Variants in CFAP251 observed in about 807,000 individuals in gnomAD.
The protein encoded by CFAP251 is cilia- and flagella-associated protein 251.
CFAP251 carries 93 observed loss-of-function variants against 126.7 expected under a neutral mutation model. The observed-to-expected ratio is 0.73, with a 90% CI of 0.62 to 0.87. The LOEUF (loss-of-function observed/expected upper bound fraction) is 0.87, where lower values mean the gene tolerates loss of function less well. Ranked by LOEUF, CFAP251 falls within the 40% of genes least tolerant of loss-of-function variation. CFAP251 has a pLI of 0.00. For synonymous variants in CFAP251, 503 were observed against 506.9 expected, an observed-to-expected ratio of 0.99 and a Z score of 0.10; for missense variants, 1,287 against 1,389.2, an observed-to-expected ratio of 0.93 and a Z score of 1.17.
chr12:121,962,373 G>C (rs993830116), intron 15 of CFAP251, among the ~76,000 whole-genome samples: 1 of 152,150 alleles, frequency 6.6e-6, no homozygotes, highest in African/African-American at 2.4e-5. Flanking sequence ...GCAGAATCCA[G>C]GAAGGACACA....
At chr12:121,924,095 T>G (rs1303539183) in intron 3 of CFAP251, 105 bp downstream of exon 3, 4 of 1,352,394 alleles carry the variant, frequency 3.0e-6, no homozygotes, top group Non-Finnish European at 4.0e-6. Context: ...GAAGGATACT[T>G]TTTAAACTAA....
Position 121,960,669 on chromosome 12 carries a change from C to T in CFAP251, c.2218C>T (p.His740Tyr). 1.9e-6 allele frequency: 3 copies of T among 1,614,144 alleles called. No individual in the cohort carries two copies. Among genetic ancestry groups the T allele is most frequent in the Non-Finnish European group, 2.5e-6 (3 of 1,179,986 alleles). The change falls in exon 14 of 22, where the codon CAT becomes TAT. Residue 740 changes from histidine (H) to tyrosine (Y), a missense_variant. Physicochemically the swap from His to Tyr is moderately conservative, Grantham distance 83 (BLOSUM62 2). Coordinates refer to ENST00000288912, the MANE Select transcript of CFAP251 (RefSeq NM_144668.6). ...VWEYLARLRS[H>Y]RKSIRSLLFG... is the part of the protein sequence containing the mutation. ...GGAGTACTTAGCAAGACTTCGCTCT[C>T]ATCGCAAAAGCATTCGAAGTCTCCT...
At chr12:121,960,399 G>T (rs1259265066) in intron 13 of CFAP251, among the ~76,000 whole-genome samples, 186 bp from the exon 14 acceptor site, 2 of 152,106 alleles carry the variant, frequency 1.3e-5, no homozygotes, top group Non-Finnish European at 2.9e-5. Flanking sequence ...TGTATTTTTA[G>T]TAGAGATGGG....
intron 3 of CFAP251, among the ~76,000 whole-genome samples, chr12:121,924,479 C>G (rs1347820426): frequency 7.5e-6 from 1 of 133,042 alleles, no homozygotes; most frequent in Non-Finnish European, 1.5e-5. Flanking sequence ...TTTGCCCAGG[C>G]TGGAGTGCAA....
Position 121,999,891 on chromosome 12 carries a change from A to G in CFAP251, c.3182A>G (p.Lys1061Arg). 6.2e-7 allele frequency: 1 copy of G among 1,614,086 alleles called. No homozygotes were observed. The highest frequency in any genetic ancestry group is 8.5e-7 in the Non-Finnish European group (1 of 1,179,948). ...GAGGTGCTCGGTTATACCAACTCCA[A>G]AGGGAAAAAGGCCATTCGAAGAGAG... is the stretch of plus-strand genomic sequence containing the variant. ...SFEVLGYTNS[K>R]GKKAIRREDF... Residue 1061 changes from lysine to arginine, a missense_variant, in exon 20 of 22, where the codon AAA becomes AGA. Lys to Arg is a conservative substitution (Grantham distance 26, BLOSUM62 2). Transcript: ENST00000288912.
At chr12:121,952,987 C>T (rs115137289) in intron 9 of CFAP251, 1 of 152,268 alleles carries the variant, frequency 6.6e-6, no homozygotes, top group African/African-American at 2.4e-5. Flanking sequence ...GTCACATTTT[C>T]ACCAATTGAT....
intron 7 of CFAP251, among the ~76,000 whole-genome samples, chr12:121,944,153 C>T (rs1881230272): frequency 1.3e-5 from 2 of 152,170 alleles, no homozygotes; most frequent in Non-Finnish European, 2.9e-5. Flanking sequence ...CTTCATTTGT[C>T]ATACATTTAT....
intron 5 of CFAP251, among the ~76,000 whole-genome samples, chr12:121,934,852 G>T: frequency 6.6e-6 from 1 of 152,278 alleles, no homozygotes; most frequent in African/African-American, 2.4e-5. Context: ...CATTGCCCAC[G>T]CTGGAGTGCG....
In CFAP251 at chr12:121,942,553, T is replaced by C. The variant is rs1474999002; in HGVS notation, c.1018T>C (p.Phe340Leu). ...TTGCAGTATTCCTGTGCACACAATA[T>C]TTGACAGCTGCCCTGAAGGGAATGG... ...SFTGIPVHTI[F>L]DSCPEGNGIM... The change falls in exon 6 of 22, where the codon TTT (phenylalanine) becomes CTT (leucine). Residue 340 changes from phenylalanine to leucine, a missense_variant. Coordinates refer to ENST00000288912, the MANE Select transcript of CFAP251 (RefSeq NM_144668.6). The C allele has an allele frequency of 6.2e-7, 1 of 1,613,668 alleles. No individual in the cohort carries two copies. Among genetic ancestry groups the C allele is most frequent in the African/African-American group, 1.3e-5 (1 of 74,906 alleles).
intron 14 of CFAP251, 81 bp downstream of exon 14, chr12:121,960,839 C>A: frequency 6.8e-7 from 1 of 1,471,664 alleles, no homozygotes; most frequent in Non-Finnish European, 9.4e-7. Flanking sequence ...TGCATAGAGC[C>A]AGGCCCACAG....
At chr12:121,961,033 C>A (rs563529212) in intron 14 of CFAP251, among the ~76,000 whole-genome samples, 1 of 152,178 alleles carries the variant, frequency 6.6e-6, no homozygotes, top group Non-Finnish European at 1.5e-5. Context: ...GGAAAGCAGC[C>A]GCCCTTGCCT....
intron 19 of CFAP251, among the ~76,000 whole-genome samples, chr12:121,976,499 G>A (rs1882463208): frequency 6.6e-6 from 1 of 152,154 alleles, no homozygotes; most frequent in African/African-American, 2.4e-5. Context: ...GTGGAGCACG[G>A]AGGGTGCAGC....
At position 121,974,934 on chromosome 12, in the gene CFAP251, T is replaced by TC. The variant is rs1176479439; in HGVS notation, c.2772-305dup. 6.6e-6 allele frequency among the ~76,000 whole-genome samples: 1 copy of TC among 151,982 alleles called. No homozygotes were observed. Among genetic ancestry groups the TC allele is most frequent in the Non-Finnish European group, 1.5e-5 (1 of 67,974 alleles). On this transcript the variant is annotated intron_variant, in intron 17 of 21. Transcript: ENST00000288912. The surrounding 1 kb of genome is among the most constrained non-coding windows in gnomAD (Gnocchi z 4.6). ...TTGTGGTTTCAGAACACAGGATGCC[T>TC]CCCCCACCCCCAGGAGAGACATGTT...
At chr12:121,988,747 CT>C (rs199716724) in intron 19 of CFAP251, among the ~76,000 whole-genome samples, 7,751 of 138,770 alleles carry the variant, frequency 0.056, 181 homozygotes, top group East Asian at 0.071. Context: ...TTTTTTTTCT[CT>C]TTTTTTTTTT....
intron 7 of CFAP251, among the ~76,000 whole-genome samples, chr12:121,945,817 C>G (rs1232682325): frequency 3.3e-5 from 5 of 151,788 alleles, no homozygotes; most frequent in African/African-American, 7.3e-5. Flanking sequence ...AGGCGCCCAC[C>G]ACCACGCCTG....
Position 122,001,430 on chromosome 12 carries a change from G to T in CFAP251, c.3236-67G>T. The T allele has an allele frequency of 3.0e-6, 4 of 1,334,216 alleles. No individual in the cohort carries two copies. In the South Asian group the frequency reaches 4.7e-5, roughly 16 times the overall value. The allele number at this position is 1,334,216 out of a possible 1,614,324, so 82.6% of individuals were successfully genotyped here. On this transcript the variant is annotated intron_variant, in intron 20 of 21. Coordinates refer to ENST00000288912, the MANE Select transcript of CFAP251 (RefSeq NM_144668.6). ...CTCTTTAAGACCTCTGAATAATAAC[G>T]CTAAGCCCTGACAGTATGCTTAGCC...
At chr12:121,950,821 G>A (rs1427992036) in intron 8 of CFAP251, 2 of 151,850 alleles carry the variant, frequency 1.3e-5, no homozygotes, top group Admixed American at 1.3e-4. Context: ...GCCTCCCAAA[G>A]TGCTGAGATT....
chr12:121,990,585 T>C (rs781686447), intron 19 of CFAP251, among the ~76,000 whole-genome samples: 1 of 152,198 alleles, frequency 6.6e-6, no homozygotes, highest in African/African-American at 2.4e-5. Context: ...GGCCCACCTC[T>C]TCCAGGAAGC....
intron 19 of CFAP251, among the ~76,000 whole-genome samples, chr12:121,982,206 A>G (rs1347580957): frequency 6.6e-6 from 1 of 151,218 alleles, no homozygotes; most frequent in African/African-American, 2.4e-5. Flanking sequence ...TCACTTGTTC[A>G]GGATTTTTTT....
Sources: allele counts gnomAD v4.1 joint callset (sites outside exome capture counted in the v4.1 genomes callset), GRCh38; gene constraint gnomAD v4.1.1; non-coding constraint Gnocchi (gnomAD v3.1); transcripts MANE v1.5; gene names NCBI Gene and HGNC (gene_info 2026-07-23, HGNC 2026-07-21).